The following LEKR1 variants were observed in gnomAD, a reference collection of about 807,000 sequenced individuals.
LEKR1 encodes the protein protein LEKR1.
A neutral mutation model predicts 72.4 loss-of-function variants in LEKR1; 59 were observed. The ratio of observed to expected loss-of-function variants is 0.82; its 90% CI spans 0.66 to 1.01. The LOEUF (loss-of-function observed/expected upper bound fraction) is 1.01. LEKR1 is among the 50% of genes least tolerant of loss of function. The pLI is 0.00. For missense variants in LEKR1, 728 were observed against 759.2 expected (o/e 0.96, Z 0.48); for synonymous variants, 257 against 263.2 (o/e 0.98, Z 0.23).
chr3:156,867,098 A>T (rs763746865), intron 3 of LEKR1, among the ~76,000 whole-genome samples: 20 of 152,128 alleles, frequency 1.3e-4, no homozygotes, highest in Non-Finnish European at 5.9e-5. Flanking sequence ...AATTTAGAAA[A>T]TGAAATACTT....
chr3:156,904,303 G>T (rs1474584047), intron 3 of LEKR1, among the ~76,000 whole-genome samples: 1 of 151,714 alleles, frequency 6.6e-6, no homozygotes, highest in African/African-American at 2.4e-5. Context: ...ATATAATGGA[G>T]ATTTTAGTTT....
chr3:156,859,877 G>A (rs1049845478), intron 3 of LEKR1, among the ~76,000 whole-genome samples: 2 of 152,196 alleles, frequency 1.3e-5, no homozygotes, highest in Non-Finnish European at 2.9e-5. Context: ...CTGTCATTCA[G>A]TCACCCTTCC....
intron 3 of LEKR1, among the ~76,000 whole-genome samples, chr3:156,854,566 G>T (rs1715815200): frequency 1.3e-5 from 2 of 149,820 alleles, no homozygotes. Context: ...TTGAGACAGG[G>T]TCTTTCTCTG....
chr3:156,848,396 G>A (rs1211811118), intron 2 of LEKR1, among the ~76,000 whole-genome samples: 3 of 152,000 alleles, frequency 2.0e-5, no homozygotes, highest in African/African-American at 4.8e-5. Flanking sequence ...ATTATGAAAG[G>A]GTGATTTGTG....
intron 3 of LEKR1, among the ~76,000 whole-genome samples, chr3:156,856,648 C>T (rs1716094933): frequency 1.3e-5 from 2 of 152,070 alleles, no homozygotes; most frequent in Admixed American, 6.6e-5. Context: ...TTTTTAAATA[C>T]ATCGTGTATT....
chr3:156,826,629 C>T, intron 1 of LEKR1: 1 of 155,566 alleles, frequency 6.4e-6, no homozygotes, highest in Middle Eastern at 5.2e-4. Context: ...TCTGCTTCCT[C>T]ACCCCCGCAC....
intron 2 of LEKR1, among the ~76,000 whole-genome samples, chr3:156,846,338 A>T (rs1285928671): frequency 6.6e-6 from 1 of 152,052 alleles, no homozygotes; most frequent in Non-Finnish European, 1.5e-5. Flanking sequence ...CTGGCTAGAT[A>T]TTCTAGCACT....
At chr3:156,979,025 G>T (rs930199364) in intron 6 of LEKR1, among the ~76,000 whole-genome samples, 169 bp from the exon 7 acceptor site, 2 of 152,168 alleles carry the variant, frequency 1.3e-5, no homozygotes, top group Admixed American at 6.5e-5. Flanking sequence ...AGGATAGGGA[G>T]GGCTGAGTAG....
At chr3:156,928,362 TG>T (rs1215521458) in intron 5 of LEKR1, among the ~76,000 whole-genome samples, 4 of 151,980 alleles carry the variant, frequency 2.6e-5, no homozygotes, top group African/African-American at 9.7e-5. Flanking sequence ...GTGTCCCTAG[TG>T]GGGGAGCTTT....
intron 3 of LEKR1, among the ~76,000 whole-genome samples, chr3:156,882,232 A>C (rs1443448410): frequency 1.3e-5 from 2 of 152,086 alleles, no homozygotes; most frequent in Non-Finnish European, 2.9e-5. Flanking sequence ...AAATGGGAGA[A>C]AATTTTCGCA....
At chr3:156,945,432 C>T (rs893578346) in intron 6 of LEKR1, among the ~76,000 whole-genome samples, 4 of 151,270 alleles carry the variant, frequency 2.6e-5, no homozygotes, top group Non-Finnish European at 4.4e-5. Context: ...TGATGTGATC[C>T]CTGCAGAATG....
At chr3:156,933,873 C>T (rs1051404062) in intron 5 of LEKR1, among the ~76,000 whole-genome samples, 1 of 152,066 alleles carries the variant, frequency 6.6e-6, no homozygotes, top group Admixed American at 6.5e-5. Context: ...GAGGAACAAC[C>T]CTCCTCCCTT....
intron 6 of LEKR1, among the ~76,000 whole-genome samples, chr3:156,963,051 C>G (rs1728261006): frequency 6.6e-6 from 1 of 152,112 alleles, no homozygotes; most frequent in African/African-American, 2.4e-5. Flanking sequence ...ATTCTTTCTC[C>G]CATTATATAT....
intron 6 of LEKR1, among the ~76,000 whole-genome samples, chr3:156,967,873 G>A (rs1047785368): frequency 6.6e-6 from 1 of 152,186 alleles, no homozygotes; most frequent in Non-Finnish European, 1.5e-5. Context: ...GGCAGCCAGA[G>A]AGAAAGGTCG....
Position 157,045,771 on chromosome 3 carries a change from G to C in LEKR1, c.*21G>C. On this transcript the variant is annotated 3_prime_UTR_variant, in exon 13 of 13. Transcript: ENST00000356539. ...AATGATCCAAAATGAGGAGCAGGAAGCTCCCTACAGCGTGCACGCTCTTTC... is the reference window on the plus strand; with the variant it reads ...AATGATCCAAAATGAGGAGCAGGAACCTCCCTACAGCGTGCACGCTCTTTC... 6.3e-7 allele frequency: 1 copy of C among 1,598,514 alleles called. No homozygotes were observed. Among genetic ancestry groups the C allele is most frequent in the Non-Finnish European group, 8.5e-7 (1 of 1,176,462 alleles).
At chr3:156,841,500 G>A (rs542451158) in intron 2 of LEKR1, among the ~76,000 whole-genome samples, 50 of 152,270 alleles carry the variant, frequency 3.3e-4, no homozygotes, top group African/African-American at 1.1e-3. Context: ...GAGAAGTGGG[G>A]ACACCAAAAG....
chr3:156,867,158 A>G (rs1423694211), intron 3 of LEKR1, among the ~76,000 whole-genome samples: 2 of 152,110 alleles, frequency 1.3e-5, no homozygotes, highest in Non-Finnish European at 2.9e-5. Flanking sequence ...CTTGCCAATG[A>G]TGTTCAAAAC....
rs1723880252 is a variant in LEKR1, at chr3:156,918,548, A to G, written c.264-2027A>G. Among the ~76,000 whole-genome samples the G allele has an allele frequency of 3.3e-5, 5 of 152,270 alleles. No individual in the cohort carries two copies. In the South Asian group the frequency reaches 1.0e-3, roughly 32 times the overall value. ...TGATAGACCAGAGAGTTGGAAGGAT[A>G]TGAGGCCCTATATGATATTAGCACT... On this transcript the variant is annotated intron_variant, in intron 3 of 12. Transcript: ENST00000356539.
intron 3 of LEKR1, among the ~76,000 whole-genome samples, chr3:156,899,702 G>A (rs541090866): frequency 3.6e-4 from 41 of 114,860 alleles, no homozygotes; most frequent in Middle Eastern, 4.8e-3. Context: ...ATATATACAC[G>A]CATATATACA....
Sources: allele counts gnomAD v4.1 joint callset (sites outside exome capture counted in the v4.1 genomes callset), GRCh38; gene constraint gnomAD v4.1.1; transcripts MANE v1.5; gene names NCBI Gene and HGNC (gene_info 2026-07-23, HGNC 2026-07-21).